The following CTNND1 variants were observed in gnomAD, a reference collection of about 807,000 sequenced individuals.
CTNND1 encodes the protein catenin delta-1.
CTNND1 carries 16 observed loss-of-function variants against 112.1 expected under a neutral mutation model. That is an observed-to-expected ratio of 0.14 (90% CI 0.10 to 0.22). The LOEUF (loss-of-function observed/expected upper bound fraction) is 0.22, where lower values mean the gene tolerates loss of function less well. Ranked by LOEUF, CTNND1 falls within the 10% of genes least tolerant of loss-of-function variation. The pLI is 1.00. For missense variants in CTNND1, 1,008 were observed against 1,257.0 expected, an observed-to-expected ratio of 0.80 and a Z score of 3.00; for synonymous variants, 420 against 446.5, an observed-to-expected ratio of 0.94 and a Z score of 0.75.
chr11:57,801,591 A>G (rs777985452), intron 6 of CTNND1, 142 bp from the exon 7 acceptor site: 7 of 661,578 alleles, frequency 1.1e-5, no homozygotes, highest in Non-Finnish European at 1.8e-5. Context: ...ATTGATCAGT[A>G]TATTATTCAT....
At chr11:57,785,795 C>T (rs1242830928) in intron 1 of CTNND1, among the ~76,000 whole-genome samples, 1 of 151,976 alleles carries the variant, frequency 6.6e-6, no homozygotes, top group Non-Finnish European at 1.5e-5. Flanking sequence ...GATCCGCTCA[C>T]CTCGGCCTCC....
At chr11:57,784,404 T>C (rs560067374) in intron 1 of CTNND1, among the ~76,000 whole-genome samples, 186 of 128,652 alleles carry the variant, frequency 1.4e-3, no homozygotes, top group African/African-American at 4.7e-3. Context: ...AGCTAGATCC[T>C]GTCTCAAAAA....
intron 19 of CTNND1, 191 bp from the exon 20 acceptor site, chr11:57,815,724 C>T: frequency 1.3e-6 from 1 of 774,052 alleles, no homozygotes; most frequent in Non-Finnish European, 2.3e-6. Context: ...ACTGATATGA[C>T]TAACACTAAC....
At chr11:57,791,957 T>G (rs1412450770) in intron 3 of CTNND1, among the ~76,000 whole-genome samples, 1 of 152,146 alleles carries the variant, frequency 6.6e-6, no homozygotes, top group Non-Finnish European at 1.5e-5. Context: ...GTAGATAGTT[T>G]AGTTTGCAGC....
chr11:57,770,373 G>T lies in CTNND1; in HGVS notation c.-214+8254G>T, dbSNP rs116305492. Among the ~76,000 whole-genome samples the T allele has an allele frequency of 9.9e-3, 1,497 of 151,346 alleles. 28 individuals carry two copies. Among genetic ancestry groups the T allele is most frequent in the African/African-American group, 0.035 (1,437 of 41,234 alleles). ...AAAAAAAGAAAGATTTTTGTTACAC[G>T]GTTGGGCTCGGTGGCTCACACCTGT... On this transcript the variant is annotated intron_variant, in intron 1 of 20. Transcript: ENST00000399050.
intron 6 of CTNND1, among the ~76,000 whole-genome samples, chr11:57,797,842 C>CAAAA (rs771815069): frequency 2.3e-3 from 160 of 68,254 alleles, no homozygotes; most frequent in Non-Finnish European, 2.7e-3. Context: ...AACTCCACCT[C>CAAAA]AAAAAAAAAA....
At chr11:57,815,544 A>G (rs1259905317) in intron 19 of CTNND1, 44 bp downstream of exon 19, 1 of 1,439,042 alleles carries the variant, frequency 6.9e-7, no homozygotes, top group South Asian at 1.1e-5. Flanking sequence ...GGCTAGTTCT[A>G]TTTTGAAGCC....
rs570657052 is a variant in CTNND1 at position 57,795,914 on chromosome 11, A to G, written c.420+185A>G. Among the ~76,000 whole-genome samples the G allele has an allele frequency of 2.9e-4, 44 of 152,326 alleles. 1 individual carries two copies. The highest frequency in any genetic ancestry group is 9.9e-4 in the African/African-American group (41 of 41,576). ...GAAAATCTTATGGGATAGGGAAGAC[A>G]GAAGGTATATCAGGGTCTATAGTAG... On this transcript the variant is annotated intron_variant, in intron 5 of 20. Transcript: ENST00000399050.
At chr11:57,806,227 T>TTGGTGGTGG (rs55957781) in intron 10 of CTNND1, among the ~76,000 whole-genome samples, 192 bp downstream of exon 10, 2 of 150,024 alleles carry the variant, frequency 1.3e-5, no homozygotes. Flanking sequence ...TTGTGATGTG[T>TTGGTGGTGG]TGGTGGTGGT....
chr11:57,809,152 T>A (rs1022059624), intron 14 of CTNND1, 122 bp from the exon 15 acceptor site: 6 of 676,318 alleles, frequency 8.9e-6, no homozygotes, highest in African/African-American at 3.6e-5. Flanking sequence ...TCCTATAGGA[T>A]AATGAAGTTG....
At chr11:57,762,162 A>T in intron 1 of CTNND1, 43 bp downstream of exon 1, 1 of 877,100 alleles carries the variant, frequency 1.1e-6, no homozygotes, top group Non-Finnish European at 1.4e-6. Flanking sequence ...TGTTATGCTG[A>T]TGAGTAACTT....
chr11:57,794,924 G>T (rs577923896), intron 4 of CTNND1, among the ~76,000 whole-genome samples: 2 of 150,550 alleles, frequency 1.3e-5, no homozygotes, highest in East Asian at 1.9e-4. Flanking sequence ...TTGGCCAGGC[G>T]TGGTTTGCTC....
intron 1 of CTNND1, among the ~76,000 whole-genome samples, chr11:57,778,848 G>T (rs951662688): frequency 3.9e-5 from 6 of 152,344 alleles, no homozygotes; most frequent in Non-Finnish European, 8.8e-5. Flanking sequence ...CTGGAGAGCA[G>T]CTCTGCTACA....
Position 57,801,512 on chromosome 11 carries a change from G to T in CTNND1, c.957-221G>T, listed in dbSNP as rs183615644. On this transcript the variant is annotated intron_variant, in intron 6 of 20. Coordinates refer to ENST00000399050, the MANE Select transcript of CTNND1 (RefSeq NM_001085458.2). Reference sequence around the variant, plus strand: ...GCCTGCAGACTTCAAAGAAAAAAATGTAGTTTTAATTAAATTGCAGGTGTT... The same window carrying T: ...GCCTGCAGACTTCAAAGAAAAAAATTTAGTTTTAATTAAATTGCAGGTGTT... Among the ~76,000 whole-genome samples, 528 of 152,290 alleles carry T rather than the reference G, an allele frequency of 3.5e-3. 3 individuals are homozygous for T. The highest frequency in any genetic ancestry group is 5.4e-3 in the Non-Finnish European group (365 of 68,024).
intron 1 of CTNND1, among the ~76,000 whole-genome samples, chr11:57,776,246 A>C (rs1390204337): frequency 6.6e-6 from 1 of 151,988 alleles, no homozygotes; most frequent in African/African-American, 2.4e-5. Context: ...GAGGGGAGGG[A>C]GCGAGGGAGG....
chr11:57,787,157 C>A (rs2060226909), intron 1 of CTNND1, among the ~76,000 whole-genome samples: 1 of 152,192 alleles, frequency 6.6e-6, no homozygotes, highest in Non-Finnish European at 1.5e-5. Flanking sequence ...CATTCCCTTT[C>A]TCCAAGGTAA....
chr11:57,794,895 A>C (rs1291161341), intron 4 of CTNND1, among the ~76,000 whole-genome samples: 3 of 151,864 alleles, frequency 2.0e-5, no homozygotes, highest in East Asian at 3.9e-4. Flanking sequence ...AAAAAAAAAA[A>C]AAAACAAAGT....
chr11:57,804,019 CCT>C lies in CTNND1; in HGVS notation c.1604+218_1604+219del. The C allele has an allele frequency of 7.6e-6, 3 of 396,362 alleles. No homozygotes were observed. The South Asian group carries it at 1.7e-4, about 23-fold the overall frequency. 24.6% of individuals were successfully genotyped at this position (396,362 alleles called of 1,614,324 possible). A position where few individuals can be genotyped will look rare whatever the true frequency, so the allele number is the denominator to read the frequency against. On this transcript the variant is annotated intron_variant, in intron 8 of 20. Transcript: ENST00000399050. ...AGTTTTCTTGCTGTTCCCCACACATCCTCTTCACTTTTATGCCTCTTTGACTT... is the reference window on the plus strand; with the variant it reads ...AGTTTTCTTGCTGTTCCCCACACATCCTTCACTTTTATGCCTCTTTGACTT...
intron 1 of CTNND1, among the ~76,000 whole-genome samples, chr11:57,787,141 G>C (rs2060225038): frequency 6.6e-6 from 1 of 152,210 alleles, no homozygotes; most frequent in African/African-American, 2.4e-5. Context: ...GTAATCATTA[G>C]TTTCACATTC....
Sources: gnomAD v4.1 joint callset for allele counts (sites outside exome capture counted in the v4.1 genomes callset) on GRCh38, gnomAD v4.1.1 for gene constraint, MANE v1.5 for transcripts, NCBI Gene and HGNC (gene_info 2026-07-23, HGNC 2026-07-21) for gene names.